STAG1: variants seen among roughly 807,000 people sequenced by gnomAD.
STAG1 encodes STAG1 cohesin complex component, also known as cohesin subunit SA-1.
A neutral mutation model predicts 170.9 loss-of-function variants in STAG1; 26 were observed. The observed-to-expected ratio is 0.15, with a 90% CI of 0.11 to 0.21. The LOEUF is 0.21. STAG1 is among the 10% of genes least tolerant of loss of function. The pLI, the probability that STAG1 is intolerant of heterozygous loss-of-function variation, is 1.00. For missense variants in STAG1, 964 were observed against 1,509.5 expected, an observed-to-expected ratio of 0.64 and a Z score of 5.99; for synonymous variants, 514 against 497.7, an observed-to-expected ratio of 1.03 and a Z score of -0.44.
At chr3:136,470,816 A>G (rs2089606992) in intron 12 of STAG1, among the ~76,000 whole-genome samples, 1 of 152,180 alleles carries the variant, frequency 6.6e-6, no homozygotes, top group Non-Finnish European at 1.5e-5. Context: ...AAAAAGGATG[A>G]GTTCATGTCC....
intron 25 of STAG1, among the ~76,000 whole-genome samples, chr3:136,364,813 A>T (rs1002991414): frequency 6.6e-6 from 1 of 152,226 alleles, no homozygotes; most frequent in African/African-American, 2.4e-5. Context: ...GATTAATAAT[A>T]GTTTGGCAAT....
At chr3:136,484,740 C>T (rs1375753004) in intron 9 of STAG1, among the ~76,000 whole-genome samples, 3 of 151,258 alleles carry the variant, frequency 2.0e-5, no homozygotes, top group Non-Finnish European at 4.4e-5. Context: ...ATTCCGTGGG[C>T]GTAGGACCCT....
At chr3:136,515,117 C>T (rs528513795) in intron 7 of STAG1, among the ~76,000 whole-genome samples, 6 of 152,096 alleles carry the variant, frequency 3.9e-5, no homozygotes, top group South Asian at 2.1e-4. Context: ...GTAATCTCAG[C>T]GCTTTGGGAG....
intron 4 of STAG1, among the ~76,000 whole-genome samples, chr3:136,582,464 C>T (rs1937611065): frequency 6.6e-6 from 1 of 152,158 alleles, no homozygotes; most frequent in African/African-American, 2.4e-5. Context: ...TTGCTAGTTG[C>T]TAATGGTATA....
chr3:136,458,713 T>C (rs533169869), intron 13 of STAG1, among the ~76,000 whole-genome samples: 2 of 151,826 alleles, frequency 1.3e-5, no homozygotes, highest in South Asian at 2.1e-4. Flanking sequence ...AATTATCAAA[T>C]TGAAAGACAT....
chr3:136,744,246 G>T (rs1014598361), intron 1 of STAG1, among the ~76,000 whole-genome samples: 1 of 152,206 alleles, frequency 6.6e-6, no homozygotes, highest in African/African-American at 2.4e-5. Context: ...AGAATTGCTT[G>T]AACTGGGGAA....
chr3:136,414,343 T>C (rs2087712745), intron 21 of STAG1, among the ~76,000 whole-genome samples: 2 of 152,222 alleles, frequency 1.3e-5, no homozygotes, highest in African/African-American at 4.8e-5. Context: ...AAATCCTTCG[T>C]TGTCATTTTA....
At chr3:136,426,553 C>G (rs1285033693) in intron 16 of STAG1, among the ~76,000 whole-genome samples, 3 of 152,184 alleles carry the variant, frequency 2.0e-5, no homozygotes, top group Non-Finnish European at 4.4e-5. Context: ...ATATATGAAT[C>G]TATTGTAAGA....
At chr3:136,463,103 A>T (rs1265017456) in intron 13 of STAG1, among the ~76,000 whole-genome samples, 1 of 152,238 alleles carries the variant, frequency 6.6e-6, no homozygotes, top group Non-Finnish European at 1.5e-5. Flanking sequence ...ATCCAAAGAT[A>T]AATATAAAAT....
intron 5 of STAG1, among the ~76,000 whole-genome samples, chr3:136,564,612 A>G (rs373479876): frequency 1.5e-4 from 23 of 152,190 alleles, no homozygotes; most frequent in East Asian, 3.9e-4. Context: ...TGCTTTCTTT[A>G]TAAATCATAT....
At chr3:136,530,216 G>A (rs1335982164) in intron 6 of STAG1, among the ~76,000 whole-genome samples, 2 of 152,078 alleles carry the variant, frequency 1.3e-5, no homozygotes, top group Admixed American at 6.6e-5. Flanking sequence ...CCCAACAGTG[G>A]AGCATCCAGA....
chr3:136,637,260 C>A (rs888954948), intron 1 of STAG1, among the ~76,000 whole-genome samples: 2 of 151,932 alleles, frequency 1.3e-5, no homozygotes, highest in African/African-American at 4.8e-5. Flanking sequence ...AAAAAGAATG[C>A]CAAAAATAAA....
chr3:136,391,821 A>C (rs908855899), intron 22 of STAG1, among the ~76,000 whole-genome samples: 10 of 152,250 alleles, frequency 6.6e-5, no homozygotes, highest in African/African-American at 2.4e-4. Context: ...ACTGGAGCAA[A>C]GTATACTTAG....
intron 1 of STAG1, among the ~76,000 whole-genome samples, chr3:136,702,071 C>A (rs1268609166): frequency 8.8e-6 from 1 of 113,790 alleles, no homozygotes; most frequent in Non-Finnish European, 1.7e-5. Context: ...CACCACCATG[C>A]CGAAAGAGAG....
chr3:136,357,965 G>T, intron 27 of STAG1, 117 bp from the exon 28 acceptor site: 1 of 804,546 alleles, frequency 1.2e-6, no homozygotes, highest in Non-Finnish European at 1.9e-6. Flanking sequence ...AGTAAAATCT[G>T]ATAAATTCAA....
rs960928034 is a variant in STAG1, at chr3:136,417,643, G to A, written c.2196+242C>T. ...ATGGTATTTCTCCTAATAGAGAAAA[G>A]TCTACCTTAACAGTAAAATTTTTAA... On this transcript the variant is annotated intron_variant, in intron 21 of 33. Transcript: ENST00000383202. 1.6e-5 allele frequency: 6 copies of A among 385,926 alleles called. No individual in the cohort carries two copies. The Admixed American group carries it at 1.6e-4, about 10-fold the overall frequency. The allele number at this position is 385,926 out of a possible 1,614,324, so 23.9% of individuals were successfully genotyped here.
intron 11 of STAG1, among the ~76,000 whole-genome samples, chr3:136,472,891 A>G (rs1396066875): frequency 6.6e-6 from 1 of 152,222 alleles, no homozygotes; most frequent in Non-Finnish European, 1.5e-5. Flanking sequence ...AACATGTAGT[A>G]AAAGCAGGGG....
chr3:136,662,549 A>G (rs560506929), intron 1 of STAG1, among the ~76,000 whole-genome samples: 2 of 152,068 alleles, frequency 1.3e-5, no homozygotes, highest in South Asian at 4.2e-4. Context: ...GCTCAAGTGA[A>G]CTTCCCACAC....
chr3:136,405,281 G>T (rs1429316206), intron 21 of STAG1, among the ~76,000 whole-genome samples: 1 of 113,548 alleles, frequency 8.8e-6, no homozygotes, highest in African/African-American at 3.2e-5. Flanking sequence ...TCACTCTGTT[G>T]CCCAGGCTGG....
Sources: gnomAD v4.1 joint callset for allele counts (sites outside exome capture counted in the v4.1 genomes callset) on GRCh38, gnomAD v4.1.1 for gene constraint, MANE v1.5 for transcripts, NCBI Gene and HGNC (gene_info 2026-07-23, HGNC 2026-07-21) for gene names.